The following BBX variants were observed in gnomAD, a reference collection of about 807,000 sequenced individuals.
The protein encoded by BBX is HMG box transcription factor BBX.
Under a neutral mutation model 100.2 loss-of-function variants are expected in BBX, and 30 were observed. The observed-to-expected ratio is 0.30, with a 90% CI of 0.22 to 0.41. The LOEUF (loss-of-function observed/expected upper bound fraction) is 0.41. Among genes scored for constraint, BBX ranks in the 10% least tolerant of loss-of-function variants. The pLI is 1.00. For missense variants in BBX, 1,023 were observed against 1,129.8 expected (o/e 0.91, Z 1.35); for synonymous variants, 376 against 388.1 (o/e 0.97, Z 0.37).
intron 3 of BBX, among the ~76,000 whole-genome samples, chr3:107,678,659 G>A (rs1356766596): frequency 1.3e-5 from 2 of 152,070 alleles, no homozygotes; most frequent in South Asian, 2.1e-4. Flanking sequence ...AGAAGGTCAA[G>A]CTACAGCAGT....
chr3:107,617,631 G>A (rs2055395982), intron 2 of BBX, among the ~76,000 whole-genome samples: 1 of 151,798 alleles, frequency 6.6e-6, no homozygotes, highest in South Asian at 2.1e-4. Flanking sequence ...TTTTATTTCA[G>A]CTATTGTAAT....
At chr3:107,736,293 T>A (rs2063630183) in intron 7 of BBX, among the ~76,000 whole-genome samples, 1 of 152,030 alleles carries the variant, frequency 6.6e-6, no homozygotes, top group South Asian at 2.1e-4. Flanking sequence ...ATTATTTAAA[T>A]CAGAAATCAA....
chr3:107,612,780 C>G (rs1262038162), intron 2 of BBX, among the ~76,000 whole-genome samples: 1 of 152,162 alleles, frequency 6.6e-6, no homozygotes, highest in African/African-American at 2.4e-5. Context: ...CCCTAGGGCT[C>G]CACAGTCAGC....
intron 3 of BBX, 39 bp from the exon 4 acceptor site, chr3:107,710,413 C>G: frequency 4.0e-6 from 6 of 1,495,662 alleles, no homozygotes; most frequent in Non-Finnish European, 5.4e-6. Flanking sequence ...CTCTTTCTCT[C>G]CCTGTTTCCC....
intron 3 of BBX, among the ~76,000 whole-genome samples, chr3:107,669,027 G>A (rs986155825): frequency 8.6e-5 from 13 of 152,014 alleles, no homozygotes; most frequent in African/African-American, 2.9e-4. Context: ...CGTGGACAAT[G>A]TTAACTTCAG....
At chr3:107,774,279 A>G (rs1199915996) in intron 11 of BBX, among the ~76,000 whole-genome samples, 7 of 152,180 alleles carry the variant, frequency 4.6e-5, no homozygotes, top group African/African-American at 1.4e-4. Flanking sequence ...CCTTTTGCCA[A>G]GCTATATTCC....
chr3:107,531,811 C>T (rs2048179172), intron 2 of BBX, among the ~76,000 whole-genome samples: 1 of 152,140 alleles, frequency 6.6e-6, no homozygotes, highest in South Asian at 2.1e-4. Context: ...GATGAGAGAA[C>T]AGCTCTTTTC....
At chr3:107,547,156 AT>A (rs1413506605) in intron 2 of BBX, among the ~76,000 whole-genome samples, 4 of 152,036 alleles carry the variant, frequency 2.6e-5, no homozygotes, top group African/African-American at 9.7e-5. Flanking sequence ...AACATCCTCA[AT>A]TTTTTTTGTT....
intron 2 of BBX, among the ~76,000 whole-genome samples, chr3:107,623,969 A>T (rs747283724): frequency 1.3e-5 from 2 of 152,210 alleles, no homozygotes; most frequent in East Asian, 1.9e-4. Flanking sequence ...TAAAACTCAA[A>T]TGTGGCAGAA....
chr3:107,776,474 C>A (rs2067326873), intron 12 of BBX: 1 of 152,064 alleles, frequency 6.6e-6, no homozygotes, highest in Non-Finnish European at 1.5e-5. Context: ...CTCCTTTCTC[C>A]CTTTAAATAT....
chr3:107,629,731 G>T (rs1405529404), intron 2 of BBX, among the ~76,000 whole-genome samples: 1 of 152,084 alleles, frequency 6.6e-6, no homozygotes, highest in African/African-American at 2.4e-5. Flanking sequence ...TCTTAATATA[G>T]TCAGCTGAGT....
chr3:107,756,255 C>T (rs543699847), intron 10 of BBX, among the ~76,000 whole-genome samples: 3 of 152,142 alleles, frequency 2.0e-5, no homozygotes, highest in South Asian at 2.1e-4. Flanking sequence ...AGGAAGACGC[C>T]GGAAGCATCT....
chr3:107,551,856 T>A (rs1172788226), intron 2 of BBX, among the ~76,000 whole-genome samples: 1 of 152,212 alleles, frequency 6.6e-6, no homozygotes. Flanking sequence ...ATTTTAAAAT[T>A]CAGATTATTT....
At chr3:107,707,029 T>G (rs2061432419) in intron 3 of BBX, among the ~76,000 whole-genome samples, 1 of 152,228 alleles carries the variant, frequency 6.6e-6, no homozygotes, top group Non-Finnish European at 1.5e-5. Flanking sequence ...TAACTATAAA[T>G]TATTAAAGTG....
chr3:107,804,763 C>T (rs1237399534), intron 17 of BBX, among the ~76,000 whole-genome samples: 1 of 151,506 alleles, frequency 6.6e-6, no homozygotes, highest in African/African-American at 2.4e-5. Flanking sequence ...TCTAAACACT[C>T]TCTGTCCATG....
At chr3:107,723,406 A>T (rs2062678896) in intron 5 of BBX, among the ~76,000 whole-genome samples, 1 of 151,540 alleles carries the variant, frequency 6.6e-6, no homozygotes, top group East Asian at 1.9e-4. Context: ...TTTTTATTTT[A>T]TTTTTTTAAT....
chr3:107,614,618 A>G (rs1011872982), intron 2 of BBX, among the ~76,000 whole-genome samples: 3 of 152,224 alleles, frequency 2.0e-5, no homozygotes, highest in Non-Finnish European at 4.4e-5. Flanking sequence ...TTCATATAAC[A>G]TACTCATGTC....
At chr3:107,623,614 A>C (rs1050939135) in intron 2 of BBX, among the ~76,000 whole-genome samples, 1 of 152,194 alleles carries the variant, frequency 6.6e-6, no homozygotes, top group African/African-American at 2.4e-5. Context: ...TCCAGGTTTC[A>C]TGGGGTCTGA....
At chr3:107,642,525 T>C (rs943200359) in intron 2 of BBX, among the ~76,000 whole-genome samples, 2 of 152,354 alleles carry the variant, frequency 1.3e-5, no homozygotes, top group East Asian at 3.9e-4. Flanking sequence ...GTTCGTGACC[T>C]ATACTTGCTT....
Sources: allele counts gnomAD v4.1 joint callset (sites outside exome capture counted in the v4.1 genomes callset), GRCh38; gene constraint gnomAD v4.1.1; transcripts MANE v1.5; gene names NCBI Gene and HGNC (gene_info 2026-07-23, HGNC 2026-07-21).